Variants in GRID2 observed in about 807,000 individuals in gnomAD.
GRID2 encodes glutamate receptor ionotropic, delta-2.
A neutral mutation model predicts 114.8 loss-of-function variants in GRID2; 33 were observed. The ratio of observed to expected loss-of-function variants is 0.29; its 90% confidence interval spans 0.22 to 0.38. GRID2 has a LOEUF of 0.38. Among genes scored for constraint, GRID2 ranks in the 10% least tolerant of loss-of-function variants. The probability of loss-of-function intolerance (pLI) is 1.00; values close to 1 mark genes in which losing one functional copy is unlikely to be tolerated. For missense variants in GRID2, 1,184 were observed against 1,257.7 expected, an observed-to-expected ratio of 0.94 and a Z score of 0.89; for synonymous variants, 505 against 449.9, an observed-to-expected ratio of 1.12 and a Z score of -1.55.
At chr4:93,394,417 C>A (rs910474613) in intron 8 of GRID2, among the ~76,000 whole-genome samples, 6 of 151,890 alleles carry the variant, frequency 4.0e-5, no homozygotes, top group African/African-American at 1.4e-4. Flanking sequence ...ATATTATGTA[C>A]ATTTTCATTT....
chr4:93,792,033 G>A (rs1232667980), intron 1 of GRID2, among the ~76,000 whole-genome samples: 1 of 152,008 alleles, frequency 6.6e-6, no homozygotes, highest in Non-Finnish European at 1.5e-5. Flanking sequence ...CTTTCAAAAG[G>A]GTTGAGTGTA....
chr4:93,367,058 A>G (rs1417093286), intron 8 of GRID2, among the ~76,000 whole-genome samples: 2 of 152,080 alleles, frequency 1.3e-5, no homozygotes, highest in Non-Finnish European at 2.9e-5. Context: ...GGTTGTAAGT[A>G]TGGGATATGA....
chr4:92,449,523 G>A (rs116175321), intron 1 of GRID2, among the ~76,000 whole-genome samples: 2,678 of 151,140 alleles, frequency 0.018, 92 homozygotes, highest in African/African-American at 0.062. Flanking sequence ...TTGGAAAATA[G>A]GAACTTCAGT....
At chr4:93,652,372 C>T (rs528345063) in intron 14 of GRID2, among the ~76,000 whole-genome samples, 4 of 152,136 alleles carry the variant, frequency 2.6e-5, no homozygotes, top group Admixed American at 6.6e-5. Flanking sequence ...CACATAATGA[C>T]GTTTTGGTCG....
intron 1 of GRID2, among the ~76,000 whole-genome samples, chr4:92,327,473 A>G (rs1307424723): frequency 2.0e-5 from 3 of 151,948 alleles, no homozygotes; most frequent in Non-Finnish European, 4.4e-5. Flanking sequence ...AACTACACAT[A>G]TGTCACATGT....
chr4:92,715,300 A>G (rs1415221308), intron 2 of GRID2, among the ~76,000 whole-genome samples: 2 of 152,132 alleles, frequency 1.3e-5, no homozygotes, highest in Non-Finnish European at 2.9e-5. Flanking sequence ...CATTGTCCAT[A>G]TCATTATCAG....
At chr4:92,689,047 A>C (rs1320515899) in intron 2 of GRID2, among the ~76,000 whole-genome samples, 1 of 152,202 alleles carries the variant, frequency 6.6e-6, no homozygotes. Context: ...GATCAAGACC[A>C]GTATCAATGA....
intron 2 of GRID2, among the ~76,000 whole-genome samples, chr4:93,011,534 C>A (rs1177678607): frequency 6.6e-6 from 1 of 152,004 alleles, no homozygotes; most frequent in Admixed American, 6.6e-5. Context: ...CCCCCAGCCC[C>A]CAGCAATCTC....
At chr4:93,727,340 T>C (rs1424397933) in intron 14 of GRID2, among the ~76,000 whole-genome samples, 2 of 152,082 alleles carry the variant, frequency 1.3e-5, no homozygotes, top group African/African-American at 4.8e-5. Flanking sequence ...TGAAGCCCAC[T>C]TGATCATGGT....
At chr4:93,033,803 G>A (rs1724664775) in intron 2 of GRID2, among the ~76,000 whole-genome samples, 3 of 152,094 alleles carry the variant, frequency 2.0e-5, no homozygotes, top group Non-Finnish European at 2.9e-5. Context: ...TATGAGCAAT[G>A]ACCTCAACTG....
chr4:93,088,083 T>A (rs1730477946), intron 3 of GRID2, among the ~76,000 whole-genome samples: 1 of 152,128 alleles, frequency 6.6e-6, no homozygotes, highest in South Asian at 2.1e-4. Flanking sequence ...TATATACTTT[T>A]TAAAAAGATT....
At chr4:92,559,045 T>C (rs1188025883) in intron 1 of GRID2, among the ~76,000 whole-genome samples, 2 of 152,318 alleles carry the variant, frequency 1.3e-5, no homozygotes, top group Admixed American at 1.3e-4. Flanking sequence ...CCTTACTCTA[T>C]GAAAACTTCT....
intron 2 of GRID2, among the ~76,000 whole-genome samples, chr4:92,736,626 A>T (rs773241255): frequency 6.6e-6 from 1 of 152,100 alleles, no homozygotes; most frequent in Non-Finnish European, 1.5e-5. Context: ...ACACGTACTT[A>T]GGCTTTTGTC....
chr4:92,399,394 C>T (rs1327414463), intron 1 of GRID2, among the ~76,000 whole-genome samples: 1 of 152,110 alleles, frequency 6.6e-6, no homozygotes, highest in Non-Finnish European at 1.5e-5. Context: ...CCACTAACAG[C>T]CGTTGAGCTT....
At chr4:92,521,898 A>G (rs2149140562) in intron 1 of GRID2, among the ~76,000 whole-genome samples, 1 of 152,136 alleles carries the variant, frequency 6.6e-6, no homozygotes, top group African/African-American at 2.4e-5. Flanking sequence ...TAATTCATTT[A>G]ATAATACATG....
chr4:93,370,406 C>A (rs1762755711), intron 8 of GRID2, among the ~76,000 whole-genome samples: 1 of 150,712 alleles, frequency 6.6e-6, no homozygotes, highest in Non-Finnish European at 1.5e-5. Flanking sequence ...CACAAACACA[C>A]ACACACAAAC....
intron 14 of GRID2, among the ~76,000 whole-genome samples, chr4:93,721,134 G>T (rs938515058): frequency 2.6e-5 from 4 of 152,084 alleles, no homozygotes; most frequent in Non-Finnish European, 5.9e-5. Context: ...AATTAAACTT[G>T]GTTGAGTCTG....
At chr4:93,805,673 T>C (rs1448328307) in intron 1 of GRID2, among the ~76,000 whole-genome samples, 2 of 152,240 alleles carry the variant, frequency 1.3e-5, no homozygotes. Flanking sequence ...AGGCCTAAGT[T>C]AAGATTCACA....
At chr4:92,527,620 C>T (rs1725108802) in intron 1 of GRID2, among the ~76,000 whole-genome samples, 2 of 151,962 alleles carry the variant, frequency 1.3e-5, no homozygotes, top group South Asian at 4.1e-4. Flanking sequence ...ACTATCTATT[C>T]TATATCAGAA....
Sources: allele counts gnomAD v4.1 joint callset (sites outside exome capture counted in the v4.1 genomes callset), GRCh38; gene constraint gnomAD v4.1.1; transcripts MANE v1.5; gene names NCBI Gene and HGNC (gene_info 2026-07-23, HGNC 2026-07-21).